The following AATF variants were observed in gnomAD, a reference collection of about 807,000 sequenced individuals.
AATF encodes the protein apoptosis antagonizing transcription factor.
A neutral mutation model predicts 63.7 loss-of-function variants in AATF; 48 were observed. The observed-to-expected ratio is 0.75, with a 90% CI of 0.60 to 0.96. The LOEUF is 0.96. Ranked by LOEUF, AATF falls within the 40% of genes least tolerant of loss-of-function variation. The pLI is 0.00. For missense variants in AATF, 639 were observed against 685.7 expected (o/e 0.93, Z 0.76); for synonymous variants, 258 against 247.7 (o/e 1.04, Z -0.39).
intron 8 of AATF, among the ~76,000 whole-genome samples, chr17:37,014,895 T>A (rs181220346): frequency 0.013 from 1,980 of 152,338 alleles, 23 homozygotes; most frequent in Non-Finnish European, 0.022. Flanking sequence ...TTGGATTTTT[T>A]AAAATTTTCT....
At chr17:37,054,160 A>T (rs1001204996) in intron 11 of AATF, among the ~76,000 whole-genome samples, 1 of 151,788 alleles carries the variant, frequency 6.6e-6, no homozygotes, top group African/African-American at 2.4e-5. Flanking sequence ...GAACCGCTGG[A>T]ATCTACAGTG....
intron 8 of AATF, among the ~76,000 whole-genome samples, chr17:37,003,423 T>C (rs2071316831): frequency 6.6e-6 from 1 of 151,778 alleles, no homozygotes; most frequent in Non-Finnish European, 1.5e-5. Context: ...TGAGAGAGAA[T>C]TGATCTTGGT....
intron 8 of AATF, among the ~76,000 whole-genome samples, chr17:37,016,654 G>A: frequency 6.6e-6 from 1 of 151,332 alleles, no homozygotes; most frequent in South Asian, 2.1e-4. Flanking sequence ...TAAAGTTAAA[G>A]CTATACAAAT....
At chr17:37,012,241 A>C (rs2071397667) in intron 8 of AATF, among the ~76,000 whole-genome samples, 1 of 152,064 alleles carries the variant, frequency 6.6e-6, no homozygotes, top group Admixed American at 6.6e-5. Flanking sequence ...TTTTTACTAG[A>C]GACGGGGTTC....
chr17:36,967,188 A>G (rs2070997841), intron 4 of AATF, among the ~76,000 whole-genome samples: 1 of 152,026 alleles, frequency 6.6e-6, no homozygotes, highest in Middle Eastern at 3.4e-3. Context: ...TCTTATTCCT[A>G]CTACACTCAT....
intron 4 of AATF, among the ~76,000 whole-genome samples, chr17:36,965,960 G>A (rs893246040): frequency 1.3e-5 from 2 of 152,104 alleles, no homozygotes; most frequent in African/African-American, 4.8e-5. Flanking sequence ...CTGAAGAGAT[G>A]TCTAAGTATG....
At chr17:37,000,207 A>G (rs562594182) in intron 8 of AATF, among the ~76,000 whole-genome samples, 1 of 152,240 alleles carries the variant, frequency 6.6e-6, no homozygotes, top group South Asian at 2.1e-4. Context: ...GTGGTTTTGG[A>G]AGAGAGAACT....
chr17:36,952,828 C>T, intron 2 of AATF, 58 bp from the exon 3 acceptor site: 1 of 1,568,912 alleles, frequency 6.4e-7, no homozygotes, highest in Non-Finnish European at 8.6e-7. Flanking sequence ...AAGTCTATGG[C>T]TTGGTATTTT....
intron 4 of AATF, among the ~76,000 whole-genome samples, chr17:36,960,195 G>T (rs1011521325): frequency 6.6e-6 from 1 of 152,102 alleles, no homozygotes; most frequent in East Asian, 1.9e-4. Context: ...TGTATTTGTA[G>T]TAGAGACGAG....
At chr17:37,021,204 AC>A in intron 10 of AATF, 190 bp downstream of exon 10, 1 of 486,200 alleles carries the variant, frequency 2.1e-6, no homozygotes, top group Non-Finnish European at 3.6e-6. Context: ...AGTTTCATTG[AC>A]TTTTGTGCTA....
chr17:36,980,516 A>T (rs2071114321), intron 4 of AATF: 1 of 152,216 alleles, frequency 6.6e-6, no homozygotes, highest in African/African-American at 2.4e-5. Flanking sequence ...TCTTGTAATA[A>T]TTGGGAGAAA....
intron 4 of AATF, among the ~76,000 whole-genome samples, chr17:36,959,731 C>T (rs2070931217): frequency 6.6e-6 from 1 of 152,114 alleles, no homozygotes; most frequent in Non-Finnish European, 1.5e-5. Flanking sequence ...CACCATGTTT[C>T]ATTACAGGTC....
chr17:36,948,979 G>A lies in AATF; in HGVS notation c.-147G>A, dbSNP rs2070828459. 2 of 725,452 alleles carry A rather than the reference G, an allele frequency of 2.8e-6. No individual in the cohort carries two copies. The highest frequency in any genetic ancestry group is 2.5e-5 in the Admixed American group (1 of 39,896). The allele number at this position is 725,452 out of a possible 1,614,324, so 44.9% of individuals were successfully genotyped here. On this transcript the variant is annotated 5_prime_UTR_variant, in exon 1 of 12. Coordinates refer to ENST00000619387, the MANE Select transcript of AATF (RefSeq NM_012138.4). Reference sequence around the variant, plus strand: ...GCGCCTCCCGGAAGTGGCCGGTCCAGAGCTGTGGGGTGGCCTCCGCGCGGT... The same window carrying A: ...GCGCCTCCCGGAAGTGGCCGGTCCAAAGCTGTGGGGTGGCCTCCGCGCGGT...
At chr17:37,024,591 A>G (rs1395700890) in intron 10 of AATF, among the ~76,000 whole-genome samples, 2 of 152,172 alleles carry the variant, frequency 1.3e-5, no homozygotes, top group Non-Finnish European at 2.9e-5. Flanking sequence ...AGAATTTTGG[A>G]CTTTATTCTG....
intron 8 of AATF, among the ~76,000 whole-genome samples, chr17:37,015,167 ATC>A (rs1457733553): frequency 6.6e-6 from 1 of 152,192 alleles, no homozygotes; most frequent in Non-Finnish European, 1.5e-5. Flanking sequence ...ATTATTCGGA[ATC>A]TCTGAAACCT....
At chr17:36,953,443 C>G in intron 3 of AATF, 147 bp downstream of exon 3, 1 of 1,392,466 alleles carries the variant, frequency 7.2e-7, no homozygotes, top group East Asian at 2.5e-5. Context: ...GCCTAAAGCC[C>G]TATTCCTGTA....
At chr17:37,012,314 CA>C (rs1312940607) in intron 8 of AATF, among the ~76,000 whole-genome samples, 1 of 152,118 alleles carries the variant, frequency 6.6e-6, no homozygotes, top group Non-Finnish European at 1.5e-5. Context: ...CTTGGCCTCC[CA>C]GTGCTAGGAT....
At chr17:36,951,054 C>T (rs2070851121) in intron 2 of AATF, among the ~76,000 whole-genome samples, 1 of 152,180 alleles carries the variant, frequency 6.6e-6, no homozygotes, top group Non-Finnish European at 1.5e-5. Flanking sequence ...TCACATAATC[C>T]TTCTCTTCCC....
intron 10 of AATF, among the ~76,000 whole-genome samples, chr17:37,024,271 C>T (rs2071494781): frequency 6.6e-6 from 1 of 152,222 alleles, no homozygotes; most frequent in African/African-American, 2.4e-5. Flanking sequence ...ACGACTTCCT[C>T]ACTGAGCCTT....
Sources: gnomAD v4.1 joint callset for allele counts (sites outside exome capture counted in the v4.1 genomes callset) on GRCh38, gnomAD v4.1.1 for gene constraint, MANE v1.5 for transcripts, NCBI Gene and HGNC (gene_info 2026-07-23, HGNC 2026-07-21) for gene names.